The following ENOX2 variants were observed in gnomAD, a reference collection of about 807,000 sequenced individuals.
ENOX2 encodes APK1 antigen.
In ENOX2, 36 loss-of-function variants were observed where a neutral mutation model predicts 45.0. The ratio of observed to expected loss-of-function variants is 0.80; its 90% CI spans 0.61 to 1.06. The LOEUF (loss-of-function observed/expected upper bound fraction) is 1.06. ENOX2 is among the 50% of genes least tolerant of loss of function. The probability of loss-of-function intolerance (pLI) is 0.00; values close to 1 mark genes in which losing one functional copy is unlikely to be tolerated. For missense variants in ENOX2, 423 were observed against 462.5 expected, an observed-to-expected ratio of 0.91 and a Z score of 0.78; for synonymous variants, 174 against 152.3, an observed-to-expected ratio of 1.14 and a Z score of -1.05.
chrX:130,774,720 C>T (rs1722152980), intron 3 of ENOX2, among the ~76,000 whole-genome samples: 1 of 111,985 alleles, frequency 8.9e-6, no homozygotes, highest in African/African-American at 3.2e-5. Flanking sequence ...GAAATCTCTT[C>T]ATTGTAAGGT....
intron 3 of ENOX2, among the ~76,000 whole-genome samples, chrX:130,714,051 T>G (rs766709729): frequency 1.2e-3 from 130 of 111,038 alleles, no homozygotes; most frequent in Non-Finnish European, 2.1e-3. Flanking sequence ...CAAGGTAAGT[T>G]GAGTAAAAGG....
At chrX:130,848,313 T>C (rs1177391587) in intron 2 of ENOX2, among the ~76,000 whole-genome samples, 1 of 110,803 alleles carries the variant, frequency 9.0e-6, no homozygotes, top group African/African-American at 3.3e-5. Context: ...GAAAAAGTCA[T>C]CTATGAGGGA....
intron 10 of ENOX2, among the ~76,000 whole-genome samples, chrX:130,648,502 T>C (rs2036304755): frequency 9.0e-6 from 1 of 111,586 alleles, no homozygotes. Context: ...AAGAAGGTTT[T>C]ATCTAAAGGA....
chrX:130,637,052 G>C (rs1768609980), intron 11 of ENOX2, among the ~76,000 whole-genome samples, 177 bp downstream of exon 11: 1 of 112,470 alleles, frequency 8.9e-6, no homozygotes, highest in Non-Finnish European at 1.9e-5. Context: ...TGCTATCTCT[G>C]TATTAATTGG....
chrX:130,831,551 CAG>C (rs1202908476), intron 2 of ENOX2, among the ~76,000 whole-genome samples: 1 of 111,163 alleles, frequency 9.0e-6, no homozygotes, highest in Admixed American at 9.6e-5. Context: ...TCTCTTGCCT[CAG>C]AGACCTGTGC....
chrX:130,796,177 G>A (rs1212288881), intron 2 of ENOX2, among the ~76,000 whole-genome samples: 2 of 110,490 alleles, frequency 1.8e-5, no homozygotes, highest in Non-Finnish European at 3.8e-5. Flanking sequence ...GTGGCAGTGG[G>A]ATGAAAAAAA....
intron 3 of ENOX2, among the ~76,000 whole-genome samples, chrX:130,723,794 T>G (rs1390709818): frequency 8.9e-6 from 1 of 111,875 alleles, no homozygotes; most frequent in Non-Finnish European, 1.9e-5. Flanking sequence ...ATTCTGACTC[T>G]GTACCTCTCT....
chrX:130,762,777 G>A (rs2039523883), intron 3 of ENOX2, among the ~76,000 whole-genome samples: 2 of 111,883 alleles, frequency 1.8e-5, no homozygotes, highest in Non-Finnish European at 1.9e-5. Context: ...GACCCACGAT[G>A]TAGTCTATCT....
intron 3 of ENOX2, among the ~76,000 whole-genome samples, chrX:130,764,741 G>T (rs972041109): frequency 1.8e-5 from 2 of 111,312 alleles, no homozygotes; most frequent in African/African-American, 6.5e-5. Flanking sequence ...TTATGATTTT[G>T]AGTACCAAAG....
intron 4 of ENOX2, among the ~76,000 whole-genome samples, chrX:130,696,729 T>C: frequency 9.0e-6 from 1 of 111,530 alleles, no homozygotes; most frequent in Admixed American, 9.5e-5. Flanking sequence ...CTGTGAAAAA[T>C]TTCTTTCAGA....
chrX:130,649,129 C>T (rs1252131691), intron 10 of ENOX2, among the ~76,000 whole-genome samples: 1 of 103,847 alleles, frequency 9.6e-6, no homozygotes, highest in Non-Finnish European at 2.0e-5. Flanking sequence ...ATGATCTCTG[C>T]CTACACTGGC....
chrX:130,852,774 G>GA (rs2078235349), intron 2 of ENOX2, among the ~76,000 whole-genome samples: 1 of 111,097 alleles, frequency 9.0e-6, no homozygotes. Flanking sequence ...TTGAAGGGAT[G>GA]AAAAATGGCT....
At chrX:130,703,507 C>T (rs986769477) in intron 3 of ENOX2, among the ~76,000 whole-genome samples, 4 of 106,364 alleles carry the variant, frequency 3.8e-5, no homozygotes, top group Non-Finnish European at 7.7e-5. Flanking sequence ...CTCTCCCTTT[C>T]TTCCTTCTCT....
chrX:130,653,376 A>G lies in ENOX2; in HGVS notation c.1129+3205T>C, dbSNP rs2036457435. Among the ~76,000 whole-genome samples, 4 of 112,039 alleles carry G rather than the reference A, an allele frequency of 3.6e-5. No individual in the cohort carries two copies. The South Asian group carries it at 1.1e-3, about 32-fold the overall frequency. On this transcript the variant is annotated intron_variant, in intron 10 of 14. Transcript: ENST00000394363. ...AGACAAGATGTGCTTATAGTGGCAT[A>G]TTGCTTACTATGCGAAATCTAAGGT...
chrX:130,860,456 G>A (rs1304419758), intron 2 of ENOX2, among the ~76,000 whole-genome samples: 2 of 111,414 alleles, frequency 1.8e-5, no homozygotes, highest in Non-Finnish European at 3.8e-5. Flanking sequence ...CCACTTCGAT[G>A]TCTAGTAAGC....
At chrX:130,887,914 T>C (rs1456946924) in intron 2 of ENOX2, among the ~76,000 whole-genome samples, 1 of 112,053 alleles carries the variant, frequency 8.9e-6, no homozygotes, top group Non-Finnish European at 1.9e-5. Flanking sequence ...GAAATCAACA[T>C]TCAGAATGAA....
intron 2 of ENOX2, among the ~76,000 whole-genome samples, chrX:130,861,933 T>C (rs2078415951): frequency 9.0e-6 from 1 of 111,505 alleles, no homozygotes; most frequent in South Asian, 3.8e-4. Context: ...GAAATACATA[T>C]AGCTTTTTTA....
chrX:130,641,432 C>G (rs2036078238), intron 10 of ENOX2, among the ~76,000 whole-genome samples: 1 of 111,366 alleles, frequency 9.0e-6, no homozygotes. Context: ...AAAATAAAAA[C>G]TTTTGGCTGG....
chrX:130,745,421 T>C (rs1469650705), intron 3 of ENOX2, among the ~76,000 whole-genome samples: 1 of 111,803 alleles, frequency 8.9e-6, no homozygotes, highest in Non-Finnish European at 1.9e-5. Flanking sequence ...ATGATGCTTG[T>C]CTTGAAAAAA....
Sources: allele counts gnomAD v4.1 joint callset (sites outside exome capture counted in the v4.1 genomes callset), GRCh38; gene constraint gnomAD v4.1.1; transcripts MANE v1.5; gene names NCBI Gene and HGNC (gene_info 2026-07-23, HGNC 2026-07-21).